Variants in CDKL4 observed in about 807,000 individuals in gnomAD.
CDKL4 encodes the protein cyclin-dependent kinase-like 4.
In CDKL4, 44 loss-of-function variants were observed where a neutral mutation model predicts 42.0. That is an observed-to-expected ratio of 1.05 (90% CI 0.82 to 1.35). The LOEUF (loss-of-function observed/expected upper bound fraction) is 1.35, where lower values mean the gene tolerates loss of function less well. Among genes scored for constraint, CDKL4 ranks in the 40% most tolerant of loss-of-function variants. The pLI, the probability that CDKL4 is intolerant of heterozygous loss-of-function variation, is 0.00. For synonymous variants in CDKL4, 120 were observed against 121.6 expected, an observed-to-expected ratio of 0.99 and a Z score of 0.09; for missense variants, 393 against 369.9, an observed-to-expected ratio of 1.06 and a Z score of -0.51.
the CDKL4 span, among the ~76,000 whole-genome samples, chr2:39,168,578 A>C: frequency 6.6e-6 from 1 of 151,964 alleles, no homozygotes; most frequent in African/African-American, 2.4e-5. Flanking sequence ...TATATTAAAA[A>C]TACAAAATTA....
At chr2:39,170,904 A>T (rs529706194), downstream of CDKL4, among the ~76,000 whole-genome samples, 5 of 152,312 alleles carry the variant, frequency 3.3e-5, no homozygotes, top group Admixed American at 2.6e-4. Context: ...AGAAAGTGCT[A>T]ACTTTTTGGA....
chr2:39,229,565 T>C (rs2148393811), exon 2 of CDKL4: 2 of 1,553,366 alleles, frequency 1.3e-6, no homozygotes, highest in African/African-American at 1.4e-5. Flanking sequence ...ATTGTATCGA[T>C]TGACTTGCAG....
intron 4 of CDKL4, among the ~76,000 whole-genome samples, chr2:39,206,212 C>T (rs1026449359): frequency 5.3e-5 from 8 of 152,028 alleles, no homozygotes; most frequent in Admixed American, 3.3e-4. Context: ...TCCCGAGTAG[C>T]TAGGATTACA....
chr2:39,231,210 TCAAAAA>T (rs1378908066), intron 1 of CDKL4, among the ~76,000 whole-genome samples: 1 of 122,120 alleles, frequency 8.2e-6, no homozygotes, highest in African/African-American at 2.7e-5. Context: ...AGGCTCCATC[TCAAAAA>T]CAAAAACAAA....
At chr2:39,230,754 A>G (rs1342238538) in intron 1 of CDKL4, among the ~76,000 whole-genome samples, 1 of 152,228 alleles carries the variant, frequency 6.6e-6, no homozygotes, top group Admixed American at 6.5e-5. Flanking sequence ...AATTACATAG[A>G]ATGTGCACAA....
intron 8 of CDKL4, among the ~76,000 whole-genome samples, chr2:39,182,119 C>A (rs1457705663): frequency 2.6e-5 from 4 of 152,078 alleles, no homozygotes; most frequent in Non-Finnish European, 4.4e-5. Context: ...GTAGCTGGGA[C>A]TAAAGGCAAA....
intron 6 of CDKL4, 82 bp from the exon 7 acceptor site, chr2:39,187,791 G>A: frequency 1.1e-6 from 1 of 872,092 alleles, no homozygotes; most frequent in Non-Finnish European, 1.9e-6. Flanking sequence ...CTGAAGGCCA[G>A]GCATGGTGGC....
chr2:39,171,816 G>A (rs550103838), downstream of CDKL4, among the ~76,000 whole-genome samples: 4 of 152,328 alleles, frequency 2.6e-5, no homozygotes, highest in East Asian at 7.7e-4. Flanking sequence ...GTGTTCAGGC[G>A]GCGTCACTCA....
chr2:39,246,510 C>G (rs1679919569), upstream of CDKL4, among the ~76,000 whole-genome samples: 1 of 152,210 alleles, frequency 6.6e-6, no homozygotes, highest in African/African-American at 2.4e-5. Context: ...TCTTCACAAC[C>G]AGGCCCATCT....
At chr2:39,183,723 G>A (rs1675568070) in intron 8 of CDKL4, among the ~76,000 whole-genome samples, 1 of 152,188 alleles carries the variant, frequency 6.6e-6, no homozygotes, top group Admixed American at 6.5e-5. Flanking sequence ...GCTGAGTGCT[G>A]GGTGAAAGCA....
intron 6 of CDKL4, 126 bp downstream of exon 6, chr2:39,190,179 T>A (rs1676090786): frequency 1.5e-6 from 1 of 656,202 alleles, no homozygotes; most frequent in Non-Finnish European, 2.4e-6. Flanking sequence ...ACAACCATCC[T>A]GAGTGACACT....
intron 5 of CDKL4, among the ~76,000 whole-genome samples, chr2:39,193,953 G>C (rs1676353189): frequency 6.6e-6 from 1 of 152,124 alleles, no homozygotes; most frequent in South Asian, 2.1e-4. Context: ...CCTTATTTCT[G>C]AATGACTGGG....
intron 1 of CDKL4, among the ~76,000 whole-genome samples, chr2:39,241,078 A>C (rs1388064101): frequency 6.6e-6 from 1 of 152,254 alleles, no homozygotes; most frequent in Non-Finnish European, 1.5e-5. Flanking sequence ...GATACTTCTA[A>C]GATAATTGGC....
chr2:39,221,001 G>GTT (rs1678311355), intron 3 of CDKL4, among the ~76,000 whole-genome samples: 9 of 78,826 alleles, frequency 1.1e-4, no homozygotes, highest in African/African-American at 2.8e-4. Flanking sequence ...TTTTTTTTTT[G>GTT]TTTTTTTTTT....
intron 3 of CDKL4, among the ~76,000 whole-genome samples, chr2:39,223,581 C>CTT (rs59461223): frequency 0.012 from 979 of 83,476 alleles, 38 homozygotes; most frequent in African/African-American, 0.045. Flanking sequence ...ATTTCCTTCT[C>CTT]TTTTTTTTTT....
At chr2:39,209,210 G>C (rs1044372792) in intron 4 of CDKL4, among the ~76,000 whole-genome samples, 5 of 151,768 alleles carry the variant, frequency 3.3e-5, no homozygotes, top group African/African-American at 1.2e-4. Flanking sequence ...TCCTTGGGAG[G>C]CTAAGGTGGA....
intron 5 of CDKL4, among the ~76,000 whole-genome samples, chr2:39,192,024 G>C (rs1466507854): frequency 6.6e-6 from 1 of 152,188 alleles, no homozygotes; most frequent in Non-Finnish European, 1.5e-5. Flanking sequence ...GTGGGAAAAG[G>C]AAATAATCTT....
At chr2:39,173,510 C>G (rs994452749), downstream of CDKL4, among the ~76,000 whole-genome samples, 1 of 151,886 alleles carries the variant, frequency 6.6e-6, no homozygotes, top group African/African-American at 2.4e-5. Context: ...GACCTTTTCT[C>G]TACAAAAAAT....
At chr2:39,224,861 G>A (rs1227551486) in intron 3 of CDKL4, among the ~76,000 whole-genome samples, 1 of 152,108 alleles carries the variant, frequency 6.6e-6, no homozygotes, top group Non-Finnish European at 1.5e-5. Context: ...AATCTGTCGT[G>A]TTATAGGGGT....
Sources: allele counts gnomAD v4.1 joint callset (sites outside exome capture counted in the v4.1 genomes callset), GRCh38; gene constraint gnomAD v4.1.1; transcripts MANE v1.5; gene names NCBI Gene and HGNC (gene_info 2026-07-23, HGNC 2026-07-21).